SERPINB7: variants seen among roughly 807,000 people sequenced by gnomAD.
SERPINB7 encodes the protein serpin B7.
In SERPINB7, 31 loss-of-function variants were observed where a neutral mutation model predicts 37.4. The observed-to-expected ratio is 0.83, with a 90% CI of 0.62 to 1.12. The LOEUF is 1.12. SERPINB7 is among the 50% of genes most tolerant of loss of function. The pLI is 0.00. For missense variants in SERPINB7, 521 were observed against 455.3 expected, an observed-to-expected ratio of 1.14 and a Z score of -1.31; for synonymous variants, 163 against 166.1, an observed-to-expected ratio of 0.98 and a Z score of 0.14.
chr18:63,777,263 A>T (rs769307793), intron 1 of SERPINB7, among the ~76,000 whole-genome samples: 8 of 151,984 alleles, frequency 5.3e-5, no homozygotes, highest in Non-Finnish European at 1.2e-4. Flanking sequence ...TATTTTATGG[A>T]TGAGAAAAGG....
At chr18:63,796,563 T>C (rs2049491104) in intron 5 of SERPINB7, among the ~76,000 whole-genome samples, 180 bp downstream of exon 5, 1 of 152,210 alleles carries the variant, frequency 6.6e-6, no homozygotes, top group East Asian at 1.9e-4. Flanking sequence ...ATAATCTTAA[T>C]AATTTGAATG....
At chr18:63,761,382 G>A (rs1380575458) in intron 1 of SERPINB7, among the ~76,000 whole-genome samples, 1 of 152,172 alleles carries the variant, frequency 6.6e-6, no homozygotes, top group East Asian at 1.9e-4. Flanking sequence ...TGATTTTACA[G>A]GCTCATAGAC....
chr18:63,780,848 G>A (rs940689597), intron 1 of SERPINB7, among the ~76,000 whole-genome samples: 1 of 152,198 alleles, frequency 6.6e-6, no homozygotes, highest in African/African-American at 2.4e-5. Context: ...GAATTCCAAA[G>A]AGCAGAGTAT....
rs1459582080 is a variant in SERPINB7, at chr18:63,782,537, T to C, written c.165T>C (p.Asp55=). 1 of 1,611,336 alleles carries C rather than the reference T, an allele frequency of 6.2e-7. No homozygotes were observed. The highest frequency in any genetic ancestry group is 8.5e-7 in the Non-Finnish European group (1 of 1,178,640). ...AAGATGACTCCCTCTCTCAGATTGATAAGGTCAGTCTCAGCTTTTGCAGTT... is the reference window on the plus strand; with the variant it reads ...AAGATGACTCCCTCTCTCAGATTGACAAGGTCAGTCTCAGCTTTTGCAGTT... ...GAQDDSLSQI[D]KLLHVNTASG... is the part of the protein sequence containing the mutation. The change falls in exon 2 of 8, where the codon GAT becomes GAC. Residue 55 remains aspartate, a synonymous_variant. Coordinates refer to ENST00000398019, the MANE Select transcript of SERPINB7 (RefSeq NM_003784.4).
At chr18:63,794,552 C>G (rs1018518327) in intron 4 of SERPINB7, among the ~76,000 whole-genome samples, 1 of 151,900 alleles carries the variant, frequency 6.6e-6, no homozygotes, top group South Asian at 2.1e-4. Flanking sequence ...TAGCCGGGCG[C>G]GGTGGCAGGC....
intron 2 of SERPINB7, among the ~76,000 whole-genome samples, chr18:63,785,702 T>G (rs2049356867): frequency 1.3e-5 from 2 of 151,794 alleles, no homozygotes; most frequent in Admixed American, 1.3e-4. Context: ...GGGTTCAGAC[T>G]CATGGTTTCT....
intron 1 of SERPINB7, among the ~76,000 whole-genome samples, chr18:63,765,876 C>A (rs1226376788): frequency 1.3e-5 from 2 of 152,102 alleles, no homozygotes; most frequent in African/African-American, 4.8e-5. Flanking sequence ...TTTCAAGCAG[C>A]TGAAAAACAG....
In SERPINB7 at chr18:63,782,480, C is replaced by T. The variant is rs145018483; in HGVS notation, c.108C>T (p.Phe36=). 146 of 1,614,048 alleles carry T rather than the reference C, an allele frequency of 9.0e-5. No homozygotes were observed. Among genetic ancestry groups the T allele is most frequent in the Non-Finnish European group, 8.6e-5 (101 of 1,180,018 alleles). The change falls in exon 2 of 8, where the codon TTC becomes TTT. Residue 36 remains phenylalanine, a synonymous_variant. Transcript: ENST00000398019. ...TGTTCTTTTCCTCTCTGAGCCTCTT[C>T]GCTGCCCTGGCCCTGGTCCGCTTGG... ...GNVFFSSLSL[F]AALALVRLGA... is the part of the protein sequence containing the mutation.
upstream of SERPINB7, among the ~76,000 whole-genome samples, chr18:63,770,800 T>C (rs1356508408): frequency 1.3e-5 from 2 of 151,918 alleles, no homozygotes; most frequent in Admixed American, 6.6e-5. Context: ...TTCAATAGAT[T>C]CATATTTAAC....
At chr18:63,753,829 G>T (rs1462009569) in intron 1 of SERPINB7, among the ~76,000 whole-genome samples, 1 of 152,190 alleles carries the variant, frequency 6.6e-6, no homozygotes, top group Non-Finnish European at 1.5e-5. Context: ...TTGATAGAAT[G>T]ATTCAGAATC....
chr18:63,775,177 C>A (rs1258355226), upstream of SERPINB7, among the ~76,000 whole-genome samples: 1 of 152,096 alleles, frequency 6.6e-6, no homozygotes, highest in Non-Finnish European at 1.5e-5. Context: ...CTGACAGATA[C>A]TGTTGATTCT....
rs770266684 is a variant in SERPINB7 at position 63,782,540 on chromosome 18, G to A, written c.168G>A (p.Lys56=). Residue 56 remains lysine, a splice_region_variant and synonymous_variant, in exon 2 of 8, where the codon AAG becomes AAA. Transcript: ENST00000398019. ...ATGACTCCCTCTCTCAGATTGATAAGGTCAGTCTCAGCTTTTGCAGTTAAT... is the reference window on the plus strand; with the variant it reads ...ATGACTCCCTCTCTCAGATTGATAAAGTCAGTCTCAGCTTTTGCAGTTAAT... ...AQDDSLSQID[K]LLHVNTASGY... The A allele has an allele frequency of 3.7e-6, 6 of 1,608,206 alleles. No individual in the cohort carries two copies. Among genetic ancestry groups the A allele is most frequent in the Non-Finnish European group, 5.1e-6 (6 of 1,177,146 alleles).
intron 1 of SERPINB7, among the ~76,000 whole-genome samples, chr18:63,769,605 G>T (rs1471234039): frequency 6.6e-6 from 1 of 152,092 alleles, no homozygotes; most frequent in Non-Finnish European, 1.5e-5. Context: ...TAAATAGACA[G>T]CAATGGTTTT....
rs182195225 is a variant in SERPINB7, at chr18:63,776,788, T to G, written c.-19+1072T>G. On this transcript the variant is annotated intron_variant, in intron 1 of 7. Transcript: ENST00000398019. ...TATAAAGTGTACTATGATATACTTT[T>G]CACAATGTAAGCTTTCTCTGGAGTT... is the stretch of plus-strand genomic sequence containing the variant. Among the ~76,000 whole-genome samples, 7 of 152,038 alleles carry G rather than the reference T, an allele frequency of 4.6e-5. No homozygotes were observed. The East Asian group carries it at 1.4e-3, about 29-fold the overall frequency.
At chr18:63,766,163 G>A (rs1377395833) in intron 1 of SERPINB7, among the ~76,000 whole-genome samples, 1 of 152,102 alleles carries the variant, frequency 6.6e-6, no homozygotes, top group Admixed American at 6.6e-5. Flanking sequence ...CTACTTGCAT[G>A]ACTATTTGTC....
upstream of SERPINB7, among the ~76,000 whole-genome samples, chr18:63,773,223 G>T (rs1475508367): frequency 1.3e-5 from 2 of 152,064 alleles, no homozygotes; most frequent in Admixed American, 6.6e-5. Context: ...AGATAGATTA[G>T]AAAGGTTAGA....
intron 2 of SERPINB7, among the ~76,000 whole-genome samples, chr18:63,791,672 GCT>G (rs2049428906): frequency 6.6e-6 from 1 of 151,828 alleles, no homozygotes; most frequent in African/African-American, 2.4e-5. Context: ...GTGCAGTGGT[GCT>G]ATCTCGGCTC....
chr18:63,802,472 T>A (rs1429144544), intron 7 of SERPINB7, among the ~76,000 whole-genome samples: 1 of 152,170 alleles, frequency 6.6e-6, no homozygotes, highest in African/African-American at 2.4e-5. Flanking sequence ...CCATGTGCTC[T>A]GAGCTTCATT....
intron 2 of SERPINB7, among the ~76,000 whole-genome samples, chr18:63,784,376 A>C (rs1411753688): frequency 6.6e-6 from 1 of 152,158 alleles, no homozygotes; most frequent in African/African-American, 2.4e-5. Context: ...TGACAACCAA[A>C]AACATTTCCA....
Sources: gnomAD v4.1 joint callset for allele counts (sites outside exome capture counted in the v4.1 genomes callset) on GRCh38, gnomAD v4.1.1 for gene constraint, MANE v1.5 for transcripts, NCBI Gene and HGNC (gene_info 2026-07-23, HGNC 2026-07-21) for gene names.